KCNQ1: variants seen among roughly 807,000 people sequenced by gnomAD.
KCNQ1 encodes the protein potassium voltage-gated channel subfamily KQT member 1.
A neutral mutation model predicts 72.4 loss-of-function variants in KCNQ1; 49 were observed. The observed-to-expected ratio is 0.68, with a 90% CI of 0.54 to 0.86. The LOEUF is 0.86. Ranked by LOEUF, KCNQ1 falls within the 40% of genes least tolerant of loss-of-function variation. The pLI is 0.00. For synonymous variants in KCNQ1, 450 were observed against 412.6 expected (o/e 1.09, Z -1.10); for missense variants, 790 against 945.1 (o/e 0.84, Z 2.15).
Position 2,515,380 on chromosome 11 carries a change from G to T in KCNQ1, c.387-12548G>T, listed in dbSNP as rs955498988. Among the ~76,000 whole-genome samples the T allele has an allele frequency of 2.6e-5, 4 of 152,074 alleles. No homozygotes were observed. The highest frequency in any genetic ancestry group is 4.4e-5 in the Non-Finnish European group (3 of 68,000). On this transcript the variant is annotated intron_variant, in intron 1 of 15. Coordinates refer to ENST00000155840, the MANE Select transcript of KCNQ1 (RefSeq NM_000218.3). This position sits in a 1 kb window ranked among gnomAD's most constrained non-coding sequence, Gnocchi z 4.7. The stretch of plus-strand genomic sequence containing the variant: ...TCATTCACTTCTTGGAGGCTTTAAC[G>T]CCTGCCCTGTGTGAGGGAGGGCGGA...
intron 11 of KCNQ1, among the ~76,000 whole-genome samples, chr11:2,721,827 GTCCA>G (rs1267754634): frequency 6.6e-6 from 1 of 152,236 alleles, no homozygotes. Context: ...GGAGCTGTCT[GTCCA>G]TCCATCCATC....
In KCNQ1 at chr11:2,566,331, G is replaced by A. The variant is rs894509887; in HGVS notation, c.478-4297G>A. 6.6e-6 allele frequency among the ~76,000 whole-genome samples: 1 copy of A among 152,178 alleles called. No individual in the cohort carries two copies. The highest frequency in any genetic ancestry group is 1.5e-5 in the Non-Finnish European group (1 of 68,024). ...GTGGTCAGCCCTCCATGGCAGGCCT[G>A]GCCTCACCTGCCAGTGTCCTCTCCC... On this transcript the variant is annotated intron_variant, in intron 2 of 15. Coordinates refer to ENST00000155840, the MANE Select transcript of KCNQ1 (RefSeq NM_000218.3). This position sits in a 1 kb window ranked among gnomAD's most constrained non-coding sequence, Gnocchi z 6.7.
At chr11:2,461,803 T>G (rs1272565884) in intron 1 of KCNQ1, 1 of 1,124,404 alleles carries the variant, frequency 8.9e-7, no homozygotes, top group Non-Finnish European at 1.2e-6. Context: ...GGGTGGCGGG[T>G]AGATGGGTGG....
intron 10 of KCNQ1, chr11:2,614,935 C>G: frequency 2.5e-6 from 1 of 398,366 alleles, no homozygotes. Context: ...AATAAAAAGG[C>G]CCTTGGGATT....
At position 2,764,998 on chromosome 11, in the gene KCNQ1, G is replaced by A. The variant is rs1846470640; in HGVS notation, c.1515-3846G>A. On this transcript the variant is annotated intron_variant, in intron 11 of 15. Coordinates refer to ENST00000155840, the MANE Select transcript of KCNQ1 (RefSeq NM_000218.3). This position sits in a 1 kb window ranked among gnomAD's most constrained non-coding sequence, Gnocchi z 4.8. The stretch of plus-strand genomic sequence containing the variant: ...ATGTTCATTTTTTATCTCATAGACT[G>A]TGCTCTTAACTTTATCTCTTCCCTC... 6.6e-6 allele frequency among the ~76,000 whole-genome samples: 1 copy of A among 152,072 alleles called. No homozygotes were observed. Among genetic ancestry groups the A allele is most frequent in the African/African-American group, 2.4e-5 (1 of 41,392 alleles).
intron 6 of KCNQ1, among the ~76,000 whole-genome samples, chr11:2,576,714 G>C (rs1418177846): frequency 6.6e-6 from 1 of 152,242 alleles, no homozygotes; most frequent in Non-Finnish European, 1.5e-5. Flanking sequence ...AAGGGGCTGG[G>C]GGCTGGTGCA....
chr11:2,758,479 G>C (rs979953190), intron 11 of KCNQ1, among the ~76,000 whole-genome samples: 1 of 152,116 alleles, frequency 6.6e-6, no homozygotes, highest in Admixed American at 6.5e-5. Context: ...TGCAGCACTC[G>C]GGGAAAATAA....
intron 11 of KCNQ1, chr11:2,694,225 G>A (rs16928561): frequency 0.076 from 30,339 of 398,636 alleles, 1,429 homozygotes; most frequent in African/African-American, 0.12. Flanking sequence ...ATAGGTGTTA[G>A]ATGTGGCAGG....
At chr11:2,709,103 G>A (rs1057244879) in intron 11 of KCNQ1, among the ~76,000 whole-genome samples, 2 of 152,142 alleles carry the variant, frequency 1.3e-5, no homozygotes, top group African/African-American at 4.8e-5. Context: ...GCGAGCGGCT[G>A]AGTGTGCTGC....
intron 11 of KCNQ1, among the ~76,000 whole-genome samples, chr11:2,743,356 C>A (rs990534342): frequency 6.6e-6 from 1 of 152,222 alleles, no homozygotes; most frequent in Non-Finnish European, 1.5e-5. Context: ...AGACCCCACC[C>A]CTTCAGGCCC....
chr11:2,728,698 G>A (rs1845804875), intron 11 of KCNQ1, among the ~76,000 whole-genome samples: 1 of 152,198 alleles, frequency 6.6e-6, no homozygotes, highest in African/African-American at 2.4e-5. Flanking sequence ...CTGGCCCAGA[G>A]TGCCAGGGGG....
intron 10 of KCNQ1, chr11:2,635,261 C>G (rs1849443456): frequency 2.6e-5 from 4 of 151,850 alleles, no homozygotes; most frequent in African/African-American, 9.7e-5. Context: ...TTGCCCATGC[C>G]TATGTCCTGA....
At position 2,699,733 on chromosome 11, in the gene KCNQ1, T is replaced by G. The variant is rs1380176497; in HGVS notation, c.1514+37652T>G. On this transcript the variant is annotated intron_variant, in intron 11 of 15. Transcript: ENST00000155840. Reference sequence around the variant, plus strand: ...GCGCCGAGGAGTCCCCGGGGAGAACTGCGCCGAGGAGCCCCCAGAAGAGCG... The same window carrying G: ...GCGCCGAGGAGTCCCCGGGGAGAACGGCGCCGAGGAGCCCCCAGAAGAGCG... The G allele has an allele frequency of 1.5e-3, 303 of 195,514 alleles. 2 individuals carry two copies. Among genetic ancestry groups the G allele is most frequent in the Middle Eastern group, 5.8e-3 (4 of 694 alleles). The allele number at this position is 195,514 out of a possible 1,614,324, so 12.1% of individuals were successfully genotyped here.
At position 2,723,599 on chromosome 11, in the gene KCNQ1, G is replaced by C. The variant is rs1413853822; in HGVS notation, c.1515-45245G>C. Among the ~76,000 whole-genome samples the C allele has an allele frequency of 6.6e-6, 1 of 152,248 alleles. No homozygotes were observed. Among genetic ancestry groups the C allele is most frequent in the Admixed American group, 6.5e-5 (1 of 15,288 alleles). ...CCTGAAGTCCAAAGAGGGGATGCCAGCCTCAAACTCAGCAGCTCGAAGTAG... is the reference window on the plus strand; with the variant it reads ...CCTGAAGTCCAAAGAGGGGATGCCACCCTCAAACTCAGCAGCTCGAAGTAG... On this transcript the variant is annotated intron_variant, in intron 11 of 15. Coordinates refer to ENST00000155840, the MANE Select transcript of KCNQ1 (RefSeq NM_000218.3). This position sits in a 1 kb window ranked among gnomAD's most constrained non-coding sequence, Gnocchi z 4.2.
intron 1 of KCNQ1, among the ~76,000 whole-genome samples, chr11:2,521,307 T>C (rs1345650759): frequency 6.6e-6 from 1 of 152,182 alleles, no homozygotes; most frequent in Non-Finnish European, 1.5e-5. Context: ...GGCCCCGCTG[T>C]CCGCTTCCCT....
chr11:2,630,506 T>G (rs1300039003), intron 10 of KCNQ1: 3 of 398,276 alleles, frequency 7.5e-6, no homozygotes, highest in Non-Finnish European at 1.3e-5. Context: ...TTATTTTTGA[T>G]GCCCCAAGGT....
chr11:2,696,980 C>A, intron 11 of KCNQ1: 2 of 397,360 alleles, frequency 5.0e-6, no homozygotes, highest in Non-Finnish European at 8.9e-6. Context: ...TTTTTTTTTT[C>A]CATGTAGCCC....
chr11:2,748,546 C>T lies in KCNQ1; in HGVS notation c.1515-20298C>T, dbSNP rs1409009863. The stretch of plus-strand genomic sequence containing the variant: ...GGCGTCCACGTGGAGGTGTGGGGCC[C>T]GGGTGGGACAAGCCTGGCAACCAGG... On this transcript the variant is annotated intron_variant, in intron 11 of 15. Coordinates refer to ENST00000155840, the MANE Select transcript of KCNQ1 (RefSeq NM_000218.3). This position sits in a 1 kb window ranked among gnomAD's most constrained non-coding sequence, Gnocchi z 6.2. 5.3e-5 allele frequency among the ~76,000 whole-genome samples: 8 copies of T among 152,184 alleles called. No individual in the cohort carries two copies. The highest frequency in any genetic ancestry group is 8.8e-5 in the Non-Finnish European group (6 of 68,008).
chr11:2,646,241 G>A (rs1283137079), intron 10 of KCNQ1: 7 of 398,526 alleles, frequency 1.8e-5, no homozygotes, highest in Non-Finnish European at 2.7e-5. Context: ...CAGCCATCTT[G>A]AAGCCCCTGC....
Sources: gnomAD v4.1 joint callset for allele counts (sites outside exome capture counted in the v4.1 genomes callset) on GRCh38, gnomAD v4.1.1 for gene constraint, Gnocchi (gnomAD v3.1) non-coding constraint, MANE v1.5 for transcripts, NCBI Gene and HGNC (gene_info 2026-07-23, HGNC 2026-07-21) for gene names.